Variants in ZNF443 observed in about 807,000 individuals in gnomAD.
The protein encoded by ZNF443 is Kruppel-type zinc finger (C2H2).
Under a neutral mutation model 12.0 loss-of-function variants are expected in ZNF443, and 3 were observed. That is an observed-to-expected ratio of 0.25 (90% confidence interval 0.11 to 0.64). The LOEUF is 0.64. Ranked by LOEUF, ZNF443 falls within the 30% of genes least tolerant of loss-of-function variation. The pLI is 0.84. For missense variants in ZNF443, 770 were observed against 808.8 expected (o/e 0.95, Z 0.58); for synonymous variants, 225 against 265.9 (o/e 0.85, Z 1.50).
chr19:12,437,783 A>C (rs1031248972), intron 1 of ZNF443, among the ~76,000 whole-genome samples: 2 of 151,566 alleles, frequency 1.3e-5, no homozygotes, highest in African/African-American at 2.4e-5. Context: ...AATATACTCC[A>C]TTCTAGCCCT....
chr19:12,430,631 CTGAA>C lies in ZNF443; in HGVS notation c.1537_1540del (p.Phe513ValfsTer34). The C allele has an allele frequency of 1.2e-6, 2 of 1,611,760 alleles. No individual in the cohort carries two copies. Among genetic ancestry groups the C allele is most frequent in the Non-Finnish European group, 1.7e-6 (2 of 1,179,200 alleles). ...ATGTCGAGAAAGGTATCTGAAACGA[CTGAA>C]TGCTTTCCCACATTCCTTACACTCA... is the stretch of plus-strand genomic sequence containing the variant. On this transcript the variant is annotated frameshift_variant, in exon 4 of 4. Transcript: ENST00000301547. LOFTEE classifies it low-confidence loss of function (END_TRUNC).
rs758703856 is a variant in ZNF443, at chr19:12,431,656, T to G, written c.516A>C (p.Lys172Asn). The G allele has an allele frequency of 2.5e-6, 4 of 1,614,064 alleles. No individual in the cohort carries two copies. In the Admixed American group the frequency reaches 6.7e-5, roughly 27 times the overall value. Residue 172 changes from lysine (K) to asparagine (N), a missense_variant, in exon 4 of 4, where the codon AAA (lysine) becomes AAC (asparagine). By Grantham distance (94) the Lys-to-Asn change is moderately conservative (BLOSUM62 0). Around this residue, in one of 3 missense-constraint regions of ZNF443, gnomAD observed 736 missense variants for 689.4 expected, o/e 1.07. Transcript: ENST00000301547. Reference protein sequence around the residue: ...LHTGKKPYDCKECGKSFSSLG... With the variant: ...LHTGKKPYDCNECGKSFSSLG... The stretch of plus-strand genomic sequence containing the variant: ...AAGAACTGAAGGACTTCCCACATTC[T>G]TTACAATCATATGGTTTCTTTCCAG...
rs749061516 is a variant in ZNF443, at chr19:12,430,517, C to A, written c.1655G>T (p.Arg552Ile). ...ATACGGCTTCTCTCCAGAGTGAATT[C>A]TTTCATGTACCTTTAAGTTATCATA... Reference protein sequence around the residue: ...GHYDNLKVHERIHSGEKPYEC... With the variant: ...GHYDNLKVHEIIHSGEKPYEC... Residue 552 changes from arginine to isoleucine, a missense_variant, in exon 4 of 4, where the codon AGA (arginine) becomes ATA (isoleucine). Transcript: ENST00000301547. 2.5e-6 allele frequency: 4 copies of A among 1,614,054 alleles called. No individual in the cohort carries two copies. The highest frequency in any genetic ancestry group is 3.4e-6 in the Non-Finnish European group (4 of 1,179,990).
At chr19:12,436,179 T>A (rs1970306339) in intron 1 of ZNF443, among the ~76,000 whole-genome samples, 1 of 134,598 alleles carries the variant, frequency 7.4e-6, no homozygotes, top group Non-Finnish European at 1.6e-5. Context: ...TAAAATAATA[T>A]CTATTAAAAA....
rs1482502794 is a variant in ZNF443 at position 12,431,694 on chromosome 19, C to T, written c.478G>A (p.Glu160Lys). ...FSYHNSFQTH[E>K]RLHTGKKPYD... ...GGTTTCTTTCCAGTGTGAAGCCTCT[C>T]ATGTGTTTGAAATGAGTTGTGGTAA... The change falls in exon 4 of 4, where the codon GAG (glutamate) becomes AAG (lysine). Residue 160 changes from glutamate (E) to lysine (K), a missense_variant. Physicochemically the swap from Glu to Lys is moderately conservative, Grantham distance 56. Transcript: ENST00000301547. 2 of 1,614,062 alleles carry T rather than the reference C, an allele frequency of 1.2e-6. No individual in the cohort carries two copies. The highest frequency in any genetic ancestry group is 1.7e-6 in the Non-Finnish European group (2 of 1,180,018).
chr19:12,431,199 G>T lies in ZNF443; in HGVS notation c.973C>A (p.Gln325Lys), dbSNP rs1332310163. ...GCACTGTGAGTGGTTTCATGTCTTTGAAGGGAACCGGAAACACTGAAGGCT... is the reference window on the plus strand; with the variant it reads ...GCACTGTGAGTGGTTTCATGTCTTTTAAGGGAACCGGAAACACTGAAGGCT... The part of the protein sequence containing the change: ...GKAFSVSGSL[Q>K]RHETTHSAEK... The change falls in exon 4 of 4, where the codon CAA (glutamine) becomes AAA (lysine). Residue 325 changes from glutamine (Q) to lysine (K), a missense_variant. Around this residue, in one of 3 missense-constraint regions of ZNF443, gnomAD observed 736 missense variants for 689.4 expected, o/e 1.07. Coordinates refer to ENST00000301547, the MANE Select transcript of ZNF443 (RefSeq NM_005815.5). 1 of 1,613,876 alleles carries T rather than the reference G, an allele frequency of 6.2e-7. No individual in the cohort carries two copies.
intron 1 of ZNF443, among the ~76,000 whole-genome samples, chr19:12,439,404 A>C (rs62110707): frequency 0.74 from 112,114 of 151,514 alleles, 41,319 homozygotes; most frequent in Non-Finnish European, 0.79. Context: ...CCAGGGGGCC[A>C]CACCTTCCAT....
intron 1 of ZNF443, 37 bp downstream of exon 1, chr19:12,440,875 C>T (rs747959139): frequency 2.5e-6 from 4 of 1,613,928 alleles, no homozygotes; most frequent in Non-Finnish European, 3.4e-6. Context: ...CCACCTAACC[C>T]CTCCCCCGCC....
chr19:12,437,212 G>A lies in ZNF443; in HGVS notation c.3+3700C>T, dbSNP rs115208408. Among the ~76,000 whole-genome samples the A allele has an allele frequency of 6.3e-3, 952 of 151,852 alleles. 9 individuals are homozygous for A. The highest frequency in any genetic ancestry group is 0.022 in the African/African-American group (921 of 41,330). ...GAGCCCACACTCAGCAACACAATGA[G>A]ACTGTCTCTACGAAACGTGTAAAAA... On this transcript the variant is annotated intron_variant, in intron 1 of 3. Transcript: ENST00000301547.
Position 12,431,878 on chromosome 19 carries a change from A to C in ZNF443, c.294T>G (p.Pro98=). The change falls in exon 4 of 4, where the codon CCT becomes CCG. Residue 98 remains proline (P), a synonymous_variant. Transcript: ENST00000301547. ...TACTGCTTTCACAAGGACCTACTCC[A>C]GGAAGAGTGTTCTTGGTCACAATAC... ...QDSIVTKNTL[P]GVGPCESSMR... is the part of the protein sequence containing the mutation. 7 of 1,614,122 alleles carry C rather than the reference A, an allele frequency of 4.3e-6. No homozygotes were observed. The highest frequency in any genetic ancestry group is 5.9e-6 in the Non-Finnish European group (7 of 1,180,006).
In ZNF443 at chr19:12,438,037, G is replaced by A. The variant is rs555325768; in HGVS notation, c.3+2875C>T. 6.5e-3 allele frequency among the ~76,000 whole-genome samples: 987 copies of A among 151,902 alleles called. 11 individuals are homozygous for A. The highest frequency in any genetic ancestry group is 0.023 in the African/African-American group (940 of 41,408). On this transcript the variant is annotated intron_variant, in intron 1 of 3. Coordinates refer to ENST00000301547, the MANE Select transcript of ZNF443 (RefSeq NM_005815.5). ...AATCGCTTGAACGCAGGAGGCGGAG[G>A]TTGCAGTGAGCTGAGATCGTGCCAC...
rs776294067 is a variant in ZNF443, at chr19:12,431,029, T to A, written c.1143A>T (p.Gln381His). The change falls in exon 4 of 4, where the codon CAA becomes CAT. Residue 381 changes from glutamine to histidine, a missense_variant. Gln to His is a conservative substitution (Grantham distance 24). Around this residue, in one of 3 missense-constraint regions of ZNF443, gnomAD observed 736 missense variants for 689.4 expected, o/e 1.07. Transcript: ENST00000301547. ...GKGFDCPSSL[Q>H]SHERTHTGEK... ...CTCCAGTGTGAGTTCTTTCATGACT[T>A]TGCAGTGAACTAGGACAATCAAAGC... 1 of 1,614,052 alleles carries A rather than the reference T, an allele frequency of 6.2e-7. No individual in the cohort carries two copies. Among genetic ancestry groups the A allele is most frequent in the Non-Finnish European group, 8.5e-7 (1 of 1,179,946 alleles).
chr19:12,430,815 G>A lies in ZNF443; in HGVS notation c.1357C>T (p.Gln453Ter), dbSNP rs1464420963. Residue 453 changes from glutamine (Q) to a stop codon, truncating the protein, a stop_gained, in exon 4 of 4, where the codon CAA (glutamine) becomes TAA (stop). Transcript: ENST00000301547. LOFTEE classifies it low-confidence loss of function (END_TRUNC). ...HTAEKPYKCK[Q>*]CGKAYRISSS... ...GAAATACGGTAGGCTTTGCCACATT[G>A]TTTACATTTATAGGGTTTCTCTGCA... 1.9e-6 allele frequency: 3 copies of A among 1,614,060 alleles called. No homozygotes were observed. Among genetic ancestry groups the A allele is most frequent in the Non-Finnish European group, 2.5e-6 (3 of 1,179,968 alleles).
At chr19:12,435,218 C>T (rs888484481) in intron 1 of ZNF443, among the ~76,000 whole-genome samples, 2 of 152,134 alleles carry the variant, frequency 1.3e-5, no homozygotes, top group African/African-American at 4.8e-5. Context: ...TCAAATGATC[C>T]GCCTGCCTTA....
chr19:12,436,578 C>G (rs901989127), intron 1 of ZNF443, among the ~76,000 whole-genome samples: 1 of 132,808 alleles, frequency 7.5e-6, no homozygotes, highest in African/African-American at 3.0e-5. Context: ...CAGATGTGAG[C>G]AGCCAAAAAA....
chr19:12,435,309 C>A (rs1333858023), intron 1 of ZNF443, among the ~76,000 whole-genome samples: 3 of 152,046 alleles, frequency 2.0e-5, no homozygotes, highest in Non-Finnish European at 4.4e-5. Context: ...TACAATATAA[C>A]ACGATCAGGG....
intron 1 of ZNF443, among the ~76,000 whole-genome samples, chr19:12,436,419 G>A (rs1459801039): frequency 6.6e-6 from 1 of 151,444 alleles, no homozygotes; most frequent in Non-Finnish European, 1.5e-5. Context: ...TGTGGAGGTT[G>A]CAGTGAGCCG....
chr19:12,440,721 G>A (rs796201095), intron 1 of ZNF443, among the ~76,000 whole-genome samples, 191 bp downstream of exon 1: 2 of 152,198 alleles, frequency 1.3e-5, no homozygotes, highest in African/African-American at 4.8e-5. Flanking sequence ...CGCAGGAACG[G>A]GACAGGACGC....
Position 12,440,858 on chromosome 19 carries a change from GC to G in ZNF443, c.3+53del, listed in dbSNP as rs1310797104. 121 of 1,613,430 alleles carry G rather than the reference GC, an allele frequency of 7.5e-5. No homozygotes were observed. In the East Asian group the frequency reaches 2.5e-3, roughly 33 times the overall value. ...CCGGGTCCAGCCACAGCCGATTACG[GC>G]CGGTTCCACCTAACCCCTCCCCCGC... On this transcript the variant is annotated intron_variant, in intron 1 of 3. Transcript: ENST00000301547.
Sources: gnomAD v4.1 joint callset for allele counts (sites outside exome capture counted in the v4.1 genomes callset) on GRCh38, gnomAD v4.1.1 for gene constraint, gnomAD v4.1.1 regional missense constraint, MANE v1.5 for transcripts, NCBI Gene and HGNC (gene_info 2026-07-23, HGNC 2026-07-21) for gene names.